Variants in SPTB observed in about 807,000 individuals in gnomAD.
SPTB encodes spectrin beta, erythrocytic.
In SPTB, 45 loss-of-function variants were observed where a neutral mutation model predicts 256.2. The observed-to-expected ratio is 0.18, with a 90% CI of 0.14 to 0.23. The LOEUF (loss-of-function observed/expected upper bound fraction) is 0.23. SPTB is among the 10% of genes least tolerant of loss of function. SPTB has a pLI of 1.00. For missense variants in SPTB, 2,715 were observed against 3,040.4 expected (o/e 0.89, Z 2.52); for synonymous variants, 1,231 against 1,243.1 (o/e 0.99, Z 0.21).
At position 64,799,918 on chromosome 14, in the gene SPTB, A is replaced by T; in HGVS notation, c.893T>A (p.Ile298Asn). Reference sequence around the variant, plus strand: ...CTTTTCAATCATCTTCTCAGTCTCAATGGCATGGTCAATAACCTAAGGAAT... The same window carrying T: ...CTTTTCAATCATCTTCTCAGTCTCATTGGCATGGTCAATAACCTAAGGAAT... The part of the protein sequence containing the change: ...KRVGKVIDHA[I>N]ETEKMIEKYS... Residue 298 changes from isoleucine to asparagine, a missense_variant, in exon 9 of 36, where the codon ATT becomes AAT. Physicochemically the swap from Ile to Asn is moderately radical, Grantham distance 149 (BLOSUM62 -3). Coordinates refer to ENST00000644917, the MANE Select transcript of SPTB (RefSeq NM_001355436.2). 1 of 1,614,202 alleles carries T rather than the reference A, an allele frequency of 6.2e-7. No individual in the cohort carries two copies. The highest frequency in any genetic ancestry group is 1.1e-5 in the South Asian group (1 of 91,082).
chr14:64,761,069 A>G (rs2082086961), intron 32 of SPTB, among the ~76,000 whole-genome samples: 1 of 152,206 alleles, frequency 6.6e-6, no homozygotes, highest in African/African-American at 2.4e-5. Flanking sequence ...GGGGCCAAAC[A>G]AGACCCCCTG....
Position 64,802,091 on chromosome 14 carries a change from C to T in SPTB, c.566+135G>A. ...CAGGCCTCAAAGAATCAGGTCAGGA[C>T]AGACTTTGCATCAATTACAGGGAGG... On this transcript the variant is annotated intron_variant, in intron 5 of 35. Transcript: ENST00000644917. This position sits in a 1 kb window ranked among gnomAD's most constrained non-coding sequence, Gnocchi z 5.1. 5.2e-6 allele frequency: 5 copies of T among 959,884 alleles called. No individual in the cohort carries two copies. In the South Asian group the frequency reaches 5.5e-5, roughly 11 times the overall value. The allele number at this position is 959,884 out of a possible 1,614,324, so 59.5% of individuals were successfully genotyped here.
chr14:64,777,393 C>A lies in SPTB; in HGVS notation c.4563+1764G>T, dbSNP rs1262542694. Among the ~76,000 whole-genome samples, 3 of 152,180 alleles carry A rather than the reference C, an allele frequency of 2.0e-5. No homozygotes were observed. The South Asian group carries it at 6.2e-4, about 32-fold the overall frequency. On this transcript the variant is annotated intron_variant, in intron 22 of 35. Transcript: ENST00000644917. The surrounding 1 kb of genome is among the most constrained non-coding windows in gnomAD (Gnocchi z 4.5). ...CCAGGGAAACAGATGCAGCTAGGGG[C>A]CTACCCCCAGAGATCCTAATTGATC...
At chr14:64,828,750 TGAAAAGCTGGATGCCC>T in intron 1 of SPTB, among the ~76,000 whole-genome samples, 1 of 152,316 alleles carries the variant, frequency 6.6e-6, no homozygotes, top group African/African-American at 2.4e-5. Context: ...GCAGTTGAGT[TGAAAAGCTGGATGCCC>T]AATTTCCCTT....
At chr14:64,787,819 A>G (rs2082600783) in intron 15 of SPTB, among the ~76,000 whole-genome samples, 1 of 152,364 alleles carries the variant, frequency 6.6e-6, no homozygotes, top group Admixed American at 6.5e-5. Flanking sequence ...GCCTGGGGTC[A>G]GTCTGCAGTA....
At chr14:64,840,606 C>G (rs908808988) in intron 1 of SPTB, among the ~76,000 whole-genome samples, 15 of 152,238 alleles carry the variant, frequency 9.9e-5, no homozygotes, top group African/African-American at 3.6e-4. Flanking sequence ...TGAGGCTATT[C>G]TAAGAAGCCT....
chr14:64,756,146 G>A (rs542024657), intron 32 of SPTB: 1 of 152,328 alleles, frequency 6.6e-6, no homozygotes, highest in African/African-American at 2.4e-5. Flanking sequence ...TCTAGTTGCT[G>A]GCTCATCTTT....
chr14:64,754,098 C>T, intron 32 of SPTB: 2 of 508,014 alleles, frequency 3.9e-6, no homozygotes, highest in South Asian at 2.1e-5. Context: ...CCAAAGGGGC[C>T]TGAGTGATTA....
At chr14:64,752,758 G>A (rs193223590) in intron 33 of SPTB, among the ~76,000 whole-genome samples, 2 of 152,106 alleles carry the variant, frequency 1.3e-5, no homozygotes, top group East Asian at 1.9e-4. Context: ...AATCCCTTTC[G>A]TGAGTCCCCC....
At chr14:64,753,111 G>A (rs1343531344) in intron 33 of SPTB, among the ~76,000 whole-genome samples, 4 of 152,116 alleles carry the variant, frequency 2.6e-5, no homozygotes, top group Non-Finnish European at 4.4e-5. Context: ...AGCGGGGCTC[G>A]AACAAGGATG....
At chr14:64,854,207 A>AAAAC (rs537716698) in intron 1 of SPTB, among the ~76,000 whole-genome samples, 27 of 151,268 alleles carry the variant, frequency 1.8e-4, no homozygotes, top group South Asian at 4.2e-4. Flanking sequence ...AAAACAAAAC[A>AAAAC]AAACAAACAA....
chr14:64,800,911 C>T (rs559944382), intron 7 of SPTB, 43 bp from the exon 8 acceptor site: 63 of 1,524,462 alleles, frequency 4.1e-5, no homozygotes, highest in Middle Eastern at 3.4e-4. Context: ...AACTGGAAGT[C>T]GGGAAAGTCA....
Position 64,747,834 on chromosome 14 carries a change from C to G in SPTB, c.*1472G>C, listed in dbSNP as rs1025890741. ...CCCACCCCCGACCCGCTTGACTGCT[C>G]TCTTGGACCTAACCCTAGTTTGATA... On this transcript the variant is annotated 3_prime_UTR_variant, in exon 36 of 36. Coordinates refer to ENST00000644917, the MANE Select transcript of SPTB (RefSeq NM_001355436.2). 1 of 133,690 alleles carries G rather than the reference C, an allele frequency of 7.5e-6. No individual in the cohort carries two copies. Among genetic ancestry groups the G allele is most frequent in the South Asian group, 2.9e-4 (1 of 3,476 alleles). 8.3% of individuals were successfully genotyped at this position (133,690 alleles called of 1,614,324 possible).
chr14:64,818,185 A>G (rs1025407352), intron 2 of SPTB, among the ~76,000 whole-genome samples: 1 of 152,216 alleles, frequency 6.6e-6, no homozygotes, highest in Non-Finnish European at 1.5e-5. Context: ...GGCCCTATTT[A>G]GTCTATCCTT....
intron 1 of SPTB, among the ~76,000 whole-genome samples, chr14:64,830,340 A>C (rs1594822644): frequency 9.5e-5 from 1 of 10,578 alleles, no homozygotes; most frequent in East Asian, 7.2e-3. Context: ...GAGTCTTATT[A>C]TTATTATTAT....
Position 64,841,003 on chromosome 14 carries a change from C to T in SPTB, c.-51-17858G>A, listed in dbSNP as rs1031834138. On this transcript the variant is annotated intron_variant, in intron 1 of 35. Coordinates refer to ENST00000644917, the MANE Select transcript of SPTB (RefSeq NM_001355436.2). This position sits in a 1 kb window ranked among gnomAD's most constrained non-coding sequence, Gnocchi z 4.6. ...TTTCTTATCGGCACAGCTGGAAAAA[C>T]TGCTTTTCTCTGTGCTCCAGTTTCC... Among the ~76,000 whole-genome samples, 3 of 152,214 alleles carry T rather than the reference C, an allele frequency of 2.0e-5. No individual in the cohort carries two copies. The highest frequency in any genetic ancestry group is 7.2e-5 in the African/African-American group (3 of 41,450).
intron 7 of SPTB, 74 bp from the exon 8 acceptor site, chr14:64,800,942 C>T (rs2139626496): frequency 3.4e-6 from 4 of 1,163,064 alleles, no homozygotes; most frequent in Admixed American, 3.9e-5. Context: ...GTTTATTCCC[C>T]ATTCCTCCAG....
In SPTB at chr14:64,792,980, G is replaced by C. The variant is rs1292845903; in HGVS notation, c.2666+17C>G. The C allele has an allele frequency of 2.5e-6, 4 of 1,613,828 alleles. No individual in the cohort carries two copies. The Admixed American group carries it at 6.7e-5, about 27-fold the overall frequency. Reference sequence around the variant, plus strand: ...CCTGGGTACAGGGACGTGAGGAAAAGATGAGTTAACTCTGACCTGTGCTGC... The same window carrying C: ...CCTGGGTACAGGGACGTGAGGAAAACATGAGTTAACTCTGACCTGTGCTGC... On this transcript the variant is annotated intron_variant, in intron 14 of 35. Transcript: ENST00000644917. This position sits in a 1 kb window ranked among gnomAD's most constrained non-coding sequence, Gnocchi z 4.2.
intron 4 of SPTB, among the ~76,000 whole-genome samples, chr14:64,803,066 T>C (rs573519481): frequency 6.6e-6 from 1 of 152,262 alleles, no homozygotes; most frequent in South Asian, 2.1e-4. Context: ...CCGCGAGTTG[T>C]ATGCTCTCTT....
Sources: gnomAD v4.1 joint callset for allele counts (sites outside exome capture counted in the v4.1 genomes callset) on GRCh38, gnomAD v4.1.1 for gene constraint, Gnocchi (gnomAD v3.1) non-coding constraint, MANE v1.5 for transcripts, NCBI Gene and HGNC (gene_info 2026-07-23, HGNC 2026-07-21) for gene names.